The following MRC1 variants were observed in gnomAD, a reference collection of about 807,000 sequenced individuals.
MRC1 encodes macrophage mannose receptor 1.
Under a neutral mutation model 102.9 loss-of-function variants are expected in MRC1, and 62 were observed. The observed-to-expected ratio is 0.60, with a 90% CI of 0.49 to 0.74. The LOEUF (loss-of-function observed/expected upper bound fraction) is 0.74. Ranked by LOEUF, MRC1 falls within the 30% of genes least tolerant of loss-of-function variation. MRC1 has a pLI of 0.00. For missense variants in MRC1, 1,237 were observed against 862.8 expected (o/e 1.43, Z -5.43); for synonymous variants, 457 against 298.4 (o/e 1.53, Z -5.48).
Position 17,845,405 on chromosome 10 carries a change from A to G in MRC1, c.1033A>G (p.Thr345Ala), listed in dbSNP as rs1838811438. Residue 345 changes from threonine to alanine, a missense_variant, in exon 6 of 30, where the codon ACC becomes GCC. Thr to Ala is a moderately conservative substitution (Grantham distance 58, BLOSUM62 0). Transcript: ENST00000569591. ...GGGCTATATTTGCAAAAAGGGCAAC[A>G]CCACTTTAAATTCTTTTGTTATTCC... ...KLGYICKKGN[T>A]TLNSFVIPSE... is the part of the protein sequence containing the mutation. 1 of 780,766 alleles carries G rather than the reference A, an allele frequency of 1.3e-6. No homozygotes were observed. The highest frequency in any genetic ancestry group is 1.7e-5 in the African/African-American group (1 of 59,128). 48.4% of individuals were successfully genotyped at this position (780,766 alleles called of 1,614,324 possible).
intron 26 of MRC1, 21 bp downstream of exon 26, chr10:17,902,143 A>G (rs1222698711): frequency 5.2e-6 from 4 of 775,648 alleles, no homozygotes; most frequent in Non-Finnish European, 9.6e-6. Context: ...CATTTCCTGA[A>G]GGAAAACTCC....
Position 17,809,376 on chromosome 10 carries a change from A to C in MRC1, c.-90A>C. 1 of 833,522 alleles carries C rather than the reference A, an allele frequency of 1.2e-6. No homozygotes were observed. The highest frequency in any genetic ancestry group is 1.3e-5 in the South Asian group (1 of 75,628). 51.6% of individuals were successfully genotyped at this position (833,522 alleles called of 1,614,324 possible). A position where few individuals can be genotyped will look rare whatever the true frequency, so the allele number is the denominator to read the frequency against. ...CTGGGCAGCTCTGGGAACTTGGATT[A>C]GGTGGAGAGGCAGTTGGGGGGCCTC... On this transcript the variant is annotated 5_prime_UTR_variant, in exon 1 of 30. Transcript: ENST00000569591.
chr10:17,861,853 A>G (rs1833188955), intron 10 of MRC1, among the ~76,000 whole-genome samples: 1 of 152,060 alleles, frequency 6.6e-6, no homozygotes, highest in Non-Finnish European at 1.5e-5. Flanking sequence ...TATCTTTACC[A>G]CTCTCTCCAC....
chr10:17,900,427 AATAATAAT>A (rs1207667805), intron 24 of MRC1, among the ~76,000 whole-genome samples: 1 of 152,108 alleles, frequency 6.6e-6, no homozygotes, highest in Non-Finnish European at 1.5e-5. Flanking sequence ...TTATAATTTC[AATAATAAT>A]ATAAGAAATA....
chr10:17,849,791 C>G (rs1216802287), intron 7 of MRC1, 27 bp downstream of exon 7: 3 of 768,672 alleles, frequency 3.9e-6, no homozygotes, highest in Non-Finnish European at 7.3e-6. Context: ...TGATAATATA[C>G]TTGGCTTTAA....
chr10:17,832,706 G>A (rs1838595453), intron 3 of MRC1, among the ~76,000 whole-genome samples: 2 of 151,126 alleles, frequency 1.3e-5, no homozygotes, highest in African/African-American at 2.4e-5. Context: ...TCCTGCCTCA[G>A]CCTCCCGAGT....
chr10:17,904,602 CT>C lies in MRC1; in HGVS notation c.3800-2281del, dbSNP rs1833872081. On this transcript the variant is annotated intron_variant, in intron 26 of 29. Transcript: ENST00000569591. ...TGTTAGATGTGGTAGGTGCAGATTT[CT>C]TTAAGTGCCTAGAACTAATGAAGTC... Among the ~76,000 whole-genome samples the C allele has an allele frequency of 2.6e-5, 4 of 152,166 alleles. 1 individual carries two copies. Among genetic ancestry groups the C allele is most frequent in the Admixed American group, 2.6e-4 (4 of 15,280 alleles).
At chr10:17,811,751 TA>T (rs1838226829) in intron 1 of MRC1, among the ~76,000 whole-genome samples, 1 of 151,954 alleles carries the variant, frequency 6.6e-6, no homozygotes, top group Non-Finnish European at 1.5e-5. Context: ...TAATTTTTTT[TA>T]TTTTTTTTTA....
At chr10:17,817,709 A>G (rs1427004012) in intron 1 of MRC1, among the ~76,000 whole-genome samples, 16 of 152,344 alleles carry the variant, frequency 1.1e-4, no homozygotes, top group African/African-American at 3.8e-4. Flanking sequence ...TTGCAGAGAA[A>G]TTAAAACAGA....
intron 1 of MRC1, among the ~76,000 whole-genome samples, chr10:17,815,370 G>A (rs1287678455): frequency 6.6e-6 from 1 of 152,182 alleles, no homozygotes; most frequent in Non-Finnish European, 1.5e-5. Flanking sequence ...GAAGAAGAAA[G>A]AGCAGTGTGG....
intron 11 of MRC1, among the ~76,000 whole-genome samples, chr10:17,866,008 C>T (rs1833260523): frequency 6.6e-6 from 1 of 152,170 alleles, no homozygotes; most frequent in Non-Finnish European, 1.5e-5. Flanking sequence ...TCAGTGCATC[C>T]TCATTTTATT....
At chr10:17,814,619 A>G (rs924259889) in intron 1 of MRC1, among the ~76,000 whole-genome samples, 16 of 143,944 alleles carry the variant, frequency 1.1e-4, no homozygotes, top group African/African-American at 3.6e-4. Context: ...AACCCTCCAC[A>G]CCACATCCCC....
At chr10:17,906,708 C>T (rs1006261004) in intron 26 of MRC1, among the ~76,000 whole-genome samples, 178 bp from the exon 27 acceptor site, 80 of 152,292 alleles carry the variant, frequency 5.3e-4, no homozygotes, top group African/African-American at 1.8e-3. Context: ...TGCTTAAAAA[C>T]GTATTTCAGA....
intron 3 of MRC1, among the ~76,000 whole-genome samples, chr10:17,833,326 G>A (rs1300649339): frequency 2.0e-5 from 3 of 152,002 alleles, no homozygotes; most frequent in African/African-American, 7.2e-5. Context: ...TTTTAGACTA[G>A]CCTGGGCCAC....
intron 1 of MRC1, among the ~76,000 whole-genome samples, chr10:17,809,948 T>A (rs565976117): frequency 3.8e-4 from 58 of 152,308 alleles, no homozygotes; most frequent in African/African-American, 1.3e-3. Context: ...GCAGCCCTGA[T>A]GTCTCCCCGC....
At chr10:17,880,075 G>A (rs1443285507) in intron 19 of MRC1, among the ~76,000 whole-genome samples, 3 of 152,104 alleles carry the variant, frequency 2.0e-5, no homozygotes, top group Non-Finnish European at 4.4e-5. Context: ...GTTCTGATTT[G>A]AAAAAACTTA....
At chr10:17,828,997 C>T (rs1297938239) in intron 3 of MRC1, among the ~76,000 whole-genome samples, 2 of 151,402 alleles carry the variant, frequency 1.3e-5, no homozygotes, top group African/African-American at 4.9e-5. Flanking sequence ...GCTGGCTCCA[C>T]CCTTCCCAAA....
chr10:17,863,755 G>C (rs1315845130), intron 11 of MRC1, 73 bp downstream of exon 11: 3 of 738,194 alleles, frequency 4.1e-6, no homozygotes, highest in Non-Finnish European at 7.5e-6. Context: ...TATTCCTCCG[G>C]GTATCTCTGC....
At chr10:17,900,370 A>G (rs1410815402) in intron 24 of MRC1, among the ~76,000 whole-genome samples, 1 of 152,038 alleles carries the variant, frequency 6.6e-6, no homozygotes, top group Non-Finnish European at 1.5e-5. Context: ...AGAGATGAGC[A>G]TTTCTCTCAG....
Sources: gnomAD v4.1 joint callset for allele counts (sites outside exome capture counted in the v4.1 genomes callset) on GRCh38, gnomAD v4.1.1 for gene constraint, MANE v1.5 for transcripts, NCBI Gene and HGNC (gene_info 2026-07-23, HGNC 2026-07-21) for gene names.